The following ZSWIM6 variants were observed in gnomAD, a reference collection of about 807,000 sequenced individuals.
ZSWIM6 encodes the protein zinc finger SWIM domain-containing protein 6.
Under a neutral mutation model 113.2 loss-of-function variants are expected in ZSWIM6, and 9 were observed. The observed-to-expected ratio is 0.08, with a 90% CI of 0.05 to 0.14. The LOEUF (loss-of-function observed/expected upper bound fraction) is 0.14. Among genes scored for constraint, ZSWIM6 ranks in the 10% least tolerant of loss-of-function variants. The pLI is 1.00. For synonymous variants in ZSWIM6, 611 were observed against 606.5 expected (o/e 1.01, Z -0.11); for missense variants, 1,162 against 1,552.2 (o/e 0.75, Z 4.22).
At chr5:61,474,609 A>G (rs571123227) in intron 2 of ZSWIM6, among the ~76,000 whole-genome samples, 1 of 152,298 alleles carries the variant, frequency 6.6e-6, no homozygotes, top group South Asian at 2.1e-4. Context: ...ACACGTCACA[A>G]CATAGCTCAA....
chr5:61,411,618 C>G (rs11746741), intron 1 of ZSWIM6, among the ~76,000 whole-genome samples: 18,402 of 152,204 alleles, frequency 0.12, 1,179 homozygotes, highest in Middle Eastern at 0.16. Flanking sequence ...ATAAACCATA[C>G]AAATTTATTT....
intron 4 of ZSWIM6, among the ~76,000 whole-genome samples, chr5:61,510,700 T>C (rs1303744525): frequency 6.6e-6 from 1 of 152,114 alleles, no homozygotes; most frequent in Non-Finnish European, 1.5e-5. Flanking sequence ...AATTTGATAA[T>C]AGCCTTTATG....
intron 1 of ZSWIM6, chr5:61,391,528 T>G: frequency 1.9e-6 from 2 of 1,060,156 alleles, no homozygotes; most frequent in Non-Finnish European, 3.0e-6. Context: ...GAAATGTCTC[T>G]TGCATGCATC....
intron 1 of ZSWIM6, among the ~76,000 whole-genome samples, chr5:61,468,493 T>C (rs559515423): frequency 4.6e-5 from 7 of 152,358 alleles, no homozygotes; most frequent in Middle Eastern, 3.4e-3. Flanking sequence ...GAGCGCAGGA[T>C]TGTCCCTTTT....
At chr5:61,446,214 G>A (rs551846471) in intron 1 of ZSWIM6, among the ~76,000 whole-genome samples, 6 of 152,208 alleles carry the variant, frequency 3.9e-5, no homozygotes, top group East Asian at 1.9e-4. Flanking sequence ...TAGTAGAGAC[G>A]GGGTTTCACC....
chr5:61,463,297 A>C (rs1177849485), intron 1 of ZSWIM6, among the ~76,000 whole-genome samples: 1 of 152,238 alleles, frequency 6.6e-6, no homozygotes, highest in Non-Finnish European at 1.5e-5. Context: ...TTTAGGTTAC[A>C]TAAGAAGCAA....
intron 9 of ZSWIM6, among the ~76,000 whole-genome samples, chr5:61,534,155 C>T (rs1017369228): frequency 2.0e-5 from 3 of 152,010 alleles, no homozygotes; most frequent in Non-Finnish European, 4.4e-5. Context: ...ATAATGTAGC[C>T]TTGGTATATG....
intron 1 of ZSWIM6, among the ~76,000 whole-genome samples, chr5:61,370,003 A>G (rs1020385035): frequency 1.3e-5 from 2 of 152,202 alleles, no homozygotes; most frequent in African/African-American, 4.8e-5. Context: ...TCCAACTTAA[A>G]ACTCAAATGG....
chr5:61,537,320 A>G (rs188814567), intron 10 of ZSWIM6, among the ~76,000 whole-genome samples: 32 of 152,242 alleles, frequency 2.1e-4, no homozygotes, highest in Middle Eastern at 3.4e-3. Flanking sequence ...TGCCACTACT[A>G]TCCTGCCAAA....
rs1312897937 is a variant in ZSWIM6 at position 61,332,355 on chromosome 5, G to A, written c.83G>A (p.Ser28Asn). The A allele has an allele frequency of 9.9e-6, 9 of 907,352 alleles. No homozygotes were observed. Among genetic ancestry groups the A allele is most frequent in the Non-Finnish European group, 1.2e-5 (9 of 759,866 alleles). 56.2% of individuals were successfully genotyped at this position (907,352 alleles called of 1,614,324 possible). A position where few individuals can be genotyped will look rare whatever the true frequency, so the allele number is the denominator to read the frequency against. The change falls in exon 1 of 14, where the codon AGC (serine) becomes AAC (asparagine). Residue 28 changes from serine (S) to asparagine (N), a missense_variant. By Grantham distance (46) the Ser-to-Asn change is conservative (BLOSUM62 1). Transcript: ENST00000252744. ...PGGGGGGGGSSGGGGGAGGGY... is the reference protein window; with the variant it reads ...PGGGGGGGGSNGGGGGAGGGY... ...GGCGGCGGCGGCGGCGGGGGCAGCA[G>A]CGGCGGCGGCGGCGGCGCGGGTGGC... is the stretch of plus-strand genomic sequence containing the variant.
chr5:61,356,769 A>AAT (rs1461832346), intron 1 of ZSWIM6, among the ~76,000 whole-genome samples: 49 of 140,476 alleles, frequency 3.5e-4, no homozygotes, highest in East Asian at 2.6e-3. Flanking sequence ...TAATATGTAT[A>AAT]ATATATATAT....
In ZSWIM6 at chr5:61,498,127, T is replaced by G. The variant is rs539357947; in HGVS notation, c.1333+3717T>G. Among the ~76,000 whole-genome samples the G allele has an allele frequency of 1.3e-4, 20 of 152,310 alleles. No individual in the cohort carries two copies. In the Middle Eastern group the frequency reaches 0.01, roughly 78 times the overall value. ...CTATAGGTTGTGGCTGCCAGTCTAT[T>G]AAAACCTAAATAAAATGATGTCATT... On this transcript the variant is annotated intron_variant, in intron 4 of 13. Transcript: ENST00000252744.
chr5:61,475,070 T>C (rs1747675356), intron 2 of ZSWIM6, among the ~76,000 whole-genome samples: 1 of 152,236 alleles, frequency 6.6e-6, no homozygotes, highest in Non-Finnish European at 1.5e-5. Context: ...CCTCAAATCT[T>C]GCTGCCGTGT....
chr5:61,353,509 C>T (rs1744833667), intron 1 of ZSWIM6, among the ~76,000 whole-genome samples: 1 of 152,178 alleles, frequency 6.6e-6, no homozygotes. Flanking sequence ...TCTTTTTGCA[C>T]ATGTGTCATT....
chr5:61,521,655 G>A (rs951337197), intron 5 of ZSWIM6, among the ~76,000 whole-genome samples: 1 of 152,092 alleles, frequency 6.6e-6, no homozygotes, highest in South Asian at 2.1e-4. Flanking sequence ...TATATTCTCA[G>A]AATATGGATG....
intron 9 of ZSWIM6, 133 bp from the exon 10 acceptor site, chr5:61,535,351 C>A: frequency 9.0e-7 from 1 of 1,114,356 alleles, no homozygotes; most frequent in Non-Finnish European, 1.3e-6. Flanking sequence ...GGATTATATT[C>A]CTTTCTATAT....
chr5:61,415,461 A>C (rs947777761), intron 1 of ZSWIM6, among the ~76,000 whole-genome samples: 3 of 152,028 alleles, frequency 2.0e-5, no homozygotes, highest in Admixed American at 6.6e-5. Context: ...GCGTGGTGGC[A>C]CGTGCCTGTA....
At chr5:61,396,831 A>C (rs1440313485) in intron 1 of ZSWIM6, among the ~76,000 whole-genome samples, 1 of 152,160 alleles carries the variant, frequency 6.6e-6, no homozygotes, top group African/African-American at 2.4e-5. Context: ...TTTGGGAGAA[A>C]GGGGAGTTAA....
At chr5:61,530,292 C>T (rs376719551) in intron 8 of ZSWIM6, 94 bp downstream of exon 8, 1 of 1,299,444 alleles carries the variant, frequency 7.7e-7, no homozygotes. Context: ...TTTTATGGAA[C>T]CATGTAGTTA....
Sources: gnomAD v4.1 joint callset for allele counts (sites outside exome capture counted in the v4.1 genomes callset) on GRCh38, gnomAD v4.1.1 for gene constraint, MANE v1.5 for transcripts, NCBI Gene and HGNC (gene_info 2026-07-23, HGNC 2026-07-21) for gene names.